The following GREB1 variants were observed in gnomAD, a reference collection of about 807,000 sequenced individuals.
GREB1 encodes growth regulating estrogen receptor binding 1, also known as protein GREB1.
A neutral mutation model predicts 200.7 loss-of-function variants in GREB1; 106 were observed. That is an observed-to-expected ratio of 0.53 (90% CI 0.45 to 0.62). The LOEUF is 0.62. GREB1 is among the 20% of genes least tolerant of loss of function. The pLI is 0.00. For missense variants in GREB1, 2,243 were observed against 2,556.8 expected, an observed-to-expected ratio of 0.88 and a Z score of 2.65; for synonymous variants, 1,132 against 1,092.4, an observed-to-expected ratio of 1.04 and a Z score of -0.72.
intron 19 of GREB1, among the ~76,000 whole-genome samples, chr2:11,613,159 A>G (rs114208850): frequency 0.011 from 1,729 of 152,232 alleles, 30 homozygotes; most frequent in African/African-American, 0.04. Context: ...CACAGCCTGG[A>G]AAGTCTTAGC....
intron 17 of GREB1, among the ~76,000 whole-genome samples, chr2:11,604,850 A>G (rs952332211): frequency 2.6e-5 from 4 of 152,212 alleles, no homozygotes; most frequent in Admixed American, 1.3e-4. Context: ...TCTTGCCACC[A>G]TGTGTGTGGT....
chr2:11,633,161 C>A lies in GREB1; in HGVS notation c.4991+98C>A. ...GGGAATGTGCCCACCCCTGGAAGAC[C>A]GGAGGGCCTCTCATAGTAGAAGGGG... is the stretch of plus-strand genomic sequence containing the variant. On this transcript the variant is annotated intron_variant, in intron 28 of 32. Coordinates refer to ENST00000381486, the MANE Select transcript of GREB1 (RefSeq NM_014668.4). The surrounding 1 kb of genome is among the most constrained non-coding windows in gnomAD (Gnocchi z 4.1). 8.4e-7 allele frequency: 1 copy of A among 1,189,330 alleles called. No individual in the cohort carries two copies. Among genetic ancestry groups the A allele is most frequent in the South Asian group, 1.3e-5 (1 of 75,004 alleles). The allele number at this position is 1,189,330 out of a possible 1,614,324, so 73.7% of individuals were successfully genotyped here.
intron 4 of GREB1, among the ~76,000 whole-genome samples, chr2:11,571,761 A>G (rs1296352215): frequency 7.3e-5 from 11 of 151,456 alleles, no homozygotes; most frequent in Non-Finnish European, 2.9e-5. Context: ...CCCAGGCTGG[A>G]GTGCAGTGGC....
chr2:11,499,282 G>C (rs565537244), intron 1 of GREB1, among the ~76,000 whole-genome samples: 1 of 152,352 alleles, frequency 6.6e-6, no homozygotes, highest in South Asian at 2.1e-4. Flanking sequence ...GTGGGTGCAG[G>C]GGTCAGCCTG....
intron 13 of GREB1, 114 bp downstream of exon 13, chr2:11,596,353 A>T: frequency 2.1e-5 from 11 of 525,864 alleles, no homozygotes; most frequent in Non-Finnish European, 3.1e-5. Context: ...AAGTGTGCAC[A>T]GTGAGGGGGC....
rs1022426765 is a variant in GREB1 at position 11,618,489 on chromosome 2, G to A, written c.3614G>A (p.Arg1205Lys). ...GPTPQPDCSL[R>K]TGQRSVQVSV... ...ACGCCCCAGCCCGACTGTAGCCTCAGGACCGGCCAGAGGAGCGTCCAGGTG... is the reference window on the plus strand; with the variant it reads ...ACGCCCCAGCCCGACTGTAGCCTCAAGACCGGCCAGAGGAGCGTCCAGGTG... Residue 1205 changes from arginine to lysine, a missense_variant, in exon 22 of 33, where the codon AGG (arginine) becomes AAG (lysine). Coordinates refer to ENST00000381486, the MANE Select transcript of GREB1 (RefSeq NM_014668.4). The A allele has an allele frequency of 7.5e-6, 12 of 1,609,950 alleles. No individual in the cohort carries two copies. Among genetic ancestry groups the A allele is most frequent in the Non-Finnish European group, 1.0e-5 (12 of 1,178,814 alleles).
At chr2:11,565,718 G>A (rs1020462454) in intron 3 of GREB1, among the ~76,000 whole-genome samples, 12 of 152,098 alleles carry the variant, frequency 7.9e-5, no homozygotes, top group African/African-American at 2.7e-4. Context: ...CTGTGCTCTC[G>A]GCCGGCTCAG....
At chr2:11,631,620 G>T (rs1322075303) in intron 26 of GREB1, among the ~76,000 whole-genome samples, 2 of 152,184 alleles carry the variant, frequency 1.3e-5, no homozygotes, top group African/African-American at 4.8e-5. Context: ...GGGCTGTTCA[G>T]CTCTCCTCCA....
chr2:11,607,346 A>T (rs1375323774), intron 17 of GREB1, among the ~76,000 whole-genome samples: 1 of 151,368 alleles, frequency 6.6e-6, no homozygotes, highest in Non-Finnish European at 1.5e-5. Context: ...GGAACATTTT[A>T]GTTTCTATTG....
chr2:11,587,104 G>A (rs1680186682), intron 9 of GREB1, among the ~76,000 whole-genome samples: 1 of 152,144 alleles, frequency 6.6e-6, no homozygotes, highest in Non-Finnish European at 1.5e-5. Flanking sequence ...AATAGAGACT[G>A]TCCTCTCGGT....
At chr2:11,634,787 C>T (rs4669758) in intron 29 of GREB1, among the ~76,000 whole-genome samples, 27,005 of 152,152 alleles carry the variant, frequency 0.18, 2,506 homozygotes, top group Middle Eastern at 0.25. Flanking sequence ...AGAGGGTGGG[C>T]TTTGGAGCCA....
intron 6 of GREB1, among the ~76,000 whole-genome samples, chr2:11,578,643 A>G (rs1318641312): frequency 6.6e-6 from 1 of 152,162 alleles, no homozygotes; most frequent in Non-Finnish European, 1.5e-5. Context: ...TTCCTGTTTG[A>G]TATGAAGTGG....
At position 11,565,274 on chromosome 2, in the gene GREB1, A is replaced by G. The variant is rs534251347; in HGVS notation, c.278-1206A>G. Among the ~76,000 whole-genome samples, 10 of 152,368 alleles carry G rather than the reference A, an allele frequency of 6.6e-5. No homozygotes were observed. In the South Asian group the frequency reaches 2.1e-3, roughly 32 times the overall value. ...ATGAGAGCTTTGCAGAGCCTGCCTC[A>G]CTGGTGCCTGGTGTGTGGTGGTGCT... On this transcript the variant is annotated intron_variant, in intron 3 of 32. Transcript: ENST00000381486.
chr2:11,523,740 G>C (rs1673781004), intron 1 of GREB1, among the ~76,000 whole-genome samples: 1 of 152,182 alleles, frequency 6.6e-6, no homozygotes, highest in African/African-American at 2.4e-5. Flanking sequence ...TCTCCTTCCT[G>C]TTTTCTTTTC....
In GREB1 at chr2:11,624,558, T is replaced by A. The variant is rs527324666; in HGVS notation, c.4148-596T>A. On this transcript the variant is annotated intron_variant, in intron 23 of 32. Coordinates refer to ENST00000381486, the MANE Select transcript of GREB1 (RefSeq NM_014668.4). ...CGGGGTTTTACCGTGTTGGCCAGAC[T>A]GGTCTCGAACTCCTGACCCTAGGTG... 8.6e-5 allele frequency among the ~76,000 whole-genome samples: 13 copies of A among 151,970 alleles called. No homozygotes were observed. The East Asian group carries it at 2.5e-3, about 29-fold the overall frequency.
intron 11 of GREB1, among the ~76,000 whole-genome samples, chr2:11,594,510 A>T (rs1472895411): frequency 3.3e-5 from 5 of 150,196 alleles, no homozygotes; most frequent in Non-Finnish European, 5.9e-5. Context: ...GTGCACCACC[A>T]TGCCCAGGTA....
At chr2:11,619,078 A>T (rs1164437474) in intron 22 of GREB1, among the ~76,000 whole-genome samples, 159 bp downstream of exon 22, 1 of 152,024 alleles carries the variant, frequency 6.6e-6, no homozygotes, top group Non-Finnish European at 1.5e-5. Context: ...CGGAGGGAGG[A>T]GGGCAGGACT....
intron 4 of GREB1, among the ~76,000 whole-genome samples, chr2:11,570,270 G>A (rs1390562226): frequency 3.3e-5 from 5 of 151,870 alleles, no homozygotes; most frequent in African/African-American, 9.7e-5. Flanking sequence ...TTAGCTGGCC[G>A]TGGTGGCACA....
chr2:11,491,702 G>A (rs1047213809), intron 1 of GREB1, among the ~76,000 whole-genome samples: 1 of 152,124 alleles, frequency 6.6e-6, no homozygotes, highest in Admixed American at 6.5e-5. Context: ...CATGTAGTAG[G>A]TCTTAAGTAA....
Sources: gnomAD v4.1 joint callset for allele counts (sites outside exome capture counted in the v4.1 genomes callset) on GRCh38, gnomAD v4.1.1 for gene constraint, Gnocchi (gnomAD v3.1) non-coding constraint, MANE v1.5 for transcripts, NCBI Gene and HGNC (gene_info 2026-07-23, HGNC 2026-07-21) for gene names.